PARVA: variants seen among roughly 807,000 people sequenced by gnomAD.
PARVA encodes the protein parvin alpha, also known as alpha-parvin.
PARVA carries 25 observed loss-of-function variants against 52.6 expected under a neutral mutation model. The observed-to-expected ratio is 0.48, with a 90% confidence interval of 0.35 to 0.66. The LOEUF is 0.66. Ranked by LOEUF, PARVA falls within the 30% of genes least tolerant of loss-of-function variation. The pLI is 0.01. For missense variants in PARVA, 373 were observed against 450.9 expected (o/e 0.83, Z 1.56); for synonymous variants, 185 against 179.1 (o/e 1.03, Z -0.26).
At chr11:12,418,680 AC>A (rs1370454279) in intron 1 of PARVA, among the ~76,000 whole-genome samples, 1 of 152,120 alleles carries the variant, frequency 6.6e-6, no homozygotes, top group Admixed American at 6.5e-5. Context: ...CCACCCCGCC[AC>A]CGGCTTTGTG....
intron 7 of PARVA, among the ~76,000 whole-genome samples, 188 bp downstream of exon 7, chr11:12,508,830 T>G (rs1386968651): frequency 6.6e-6 from 1 of 152,126 alleles, no homozygotes; most frequent in African/African-American, 2.4e-5. Flanking sequence ...AGGTACAAAC[T>G]TGGGTGGGGA....
At chr11:12,526,270 C>T (rs1941700008) in intron 12 of PARVA, among the ~76,000 whole-genome samples, 1 of 152,074 alleles carries the variant, frequency 6.6e-6, no homozygotes, top group Non-Finnish European at 1.5e-5. Flanking sequence ...ACCTGGGAGC[C>T]CCTGGCTCCC....
intron 1 of PARVA, among the ~76,000 whole-genome samples, chr11:12,450,053 A>G (rs1940602716): frequency 6.6e-6 from 1 of 152,232 alleles, no homozygotes; most frequent in Non-Finnish European, 1.5e-5. Context: ...AATTGTTGTT[A>G]TCCCATTTTA....
chr11:12,423,080 C>T (rs1404852782), intron 1 of PARVA, among the ~76,000 whole-genome samples: 1 of 152,170 alleles, frequency 6.6e-6, no homozygotes, highest in Admixed American at 6.5e-5. Context: ...TCTCGAACTC[C>T]TGACCTCAGG....
chr11:12,377,819 AGCCGGGGGTGCCGTAGGGGCCGAGGG>A, intron 1 of PARVA, 36 bp downstream of exon 1: 1 of 1,453,316 alleles, frequency 6.9e-7, no homozygotes, highest in Admixed American at 2.8e-5. Flanking sequence ...GGGCGGTAGG[AGCCGGGGGTGCCGTAGGGGCCGAGGG>A]GCCGGGGCAC....
chr11:12,394,425 G>A (rs1939705222), intron 1 of PARVA, among the ~76,000 whole-genome samples: 2 of 152,218 alleles, frequency 1.3e-5, no homozygotes, highest in Non-Finnish European at 2.9e-5. Flanking sequence ...AGGAATCATT[G>A]TTAGCTTACT....
At chr11:12,395,655 A>G (rs538022844) in intron 1 of PARVA, among the ~76,000 whole-genome samples, 135 of 152,272 alleles carry the variant, frequency 8.9e-4, no homozygotes, top group Non-Finnish European at 1.7e-3. Context: ...GTGAAAATCC[A>G]TCAAAGACTC....
At chr11:12,381,070 A>G (rs1939478282) in intron 1 of PARVA, among the ~76,000 whole-genome samples, 1 of 152,212 alleles carries the variant, frequency 6.6e-6, no homozygotes, top group Non-Finnish European at 1.5e-5. Context: ...CTGAAGGGCC[A>G]GCCACCACCC....
At chr11:12,396,436 C>T (rs1939746352) in intron 1 of PARVA, among the ~76,000 whole-genome samples, 1 of 152,098 alleles carries the variant, frequency 6.6e-6, no homozygotes, top group African/African-American at 2.4e-5. Flanking sequence ...GTGTCTGGGC[C>T]CTGGAAGCAA....
intron 7 of PARVA, among the ~76,000 whole-genome samples, chr11:12,511,202 G>A (rs538690825): frequency 2.0e-5 from 3 of 152,238 alleles, no homozygotes; most frequent in South Asian, 4.2e-4. Context: ...TTAACTGCAG[G>A]CAATAATATG....
intron 4 of PARVA, among the ~76,000 whole-genome samples, chr11:12,492,994 A>T (rs1234903866): frequency 6.6e-6 from 1 of 152,156 alleles, no homozygotes; most frequent in Admixed American, 6.6e-5. Flanking sequence ...AAGACTTATG[A>T]TATATATATG....
chr11:12,443,736 G>A (rs1458135277), intron 1 of PARVA, among the ~76,000 whole-genome samples: 2 of 152,166 alleles, frequency 1.3e-5, no homozygotes, highest in African/African-American at 2.4e-5. Flanking sequence ...GATGGAAACA[G>A]GTGTAGCATA....
chr11:12,384,303 T>C (rs916654961), intron 1 of PARVA, among the ~76,000 whole-genome samples: 3 of 152,334 alleles, frequency 2.0e-5, no homozygotes, highest in African/African-American at 7.2e-5. Context: ...GCTTGTCTTT[T>C]CTTATCTCCC....
In PARVA at chr11:12,424,215, A is replaced by G. The variant is rs191049911; in HGVS notation, c.136+46432A>G. ...AATGTTGTGAATAGCACCATTTTTC[A>G]TTGCCTTTTCTAACTTCATAGCAGT... On this transcript the variant is annotated intron_variant, in intron 1 of 12. Transcript: ENST00000334956. Among the ~76,000 whole-genome samples the G allele has an allele frequency of 2.6e-5, 4 of 152,130 alleles. No individual in the cohort carries two copies. In the East Asian group the frequency reaches 7.7e-4, roughly 29 times the overall value.
intron 7 of PARVA, among the ~76,000 whole-genome samples, chr11:12,510,705 C>A (rs1194118272): frequency 6.6e-6 from 1 of 152,116 alleles, no homozygotes; most frequent in Non-Finnish European, 1.5e-5. Context: ...AAGAGGAAAT[C>A]CTGATAAACC....
chr11:12,487,418 C>G (rs886982019), intron 4 of PARVA, among the ~76,000 whole-genome samples: 6 of 152,340 alleles, frequency 3.9e-5, no homozygotes, highest in East Asian at 1.9e-4. Context: ...TTAAAAACCT[C>G]TATGGCTGAG....
intron 12 of PARVA, among the ~76,000 whole-genome samples, chr11:12,518,806 T>G (rs1941603981): frequency 6.6e-6 from 1 of 152,204 alleles, no homozygotes; most frequent in Admixed American, 6.5e-5. Context: ...TTCCAGGTTT[T>G]CCTGTCCCTG....
intron 4 of PARVA, among the ~76,000 whole-genome samples, chr11:12,486,615 G>A (rs373825502): frequency 8.1e-4 from 123 of 152,304 alleles, no homozygotes; most frequent in African/African-American, 2.9e-3. Flanking sequence ...GGAGGCCGAG[G>A]CAGGCAGATC....
In PARVA at chr11:12,532,359, C is replaced by G. The variant is rs1414558658; in HGVS notation, c.*4434C>G. ...TCTAGTTGGAGCGCACCTCAGAGTC[C>G]CCTACATAATGCGTATTAGGACTTT... On this transcript the variant is annotated 3_prime_UTR_variant, in exon 13 of 13. Transcript: ENST00000334956. Among the ~76,000 whole-genome samples, 1 of 152,102 alleles carries G rather than the reference C, an allele frequency of 6.6e-6. No homozygotes were observed. Among genetic ancestry groups the G allele is most frequent in the African/African-American group, 2.4e-5 (1 of 41,422 alleles).
Sources: gnomAD v4.1 joint callset for allele counts (sites outside exome capture counted in the v4.1 genomes callset) on GRCh38, gnomAD v4.1.1 for gene constraint, MANE v1.5 for transcripts, NCBI Gene and HGNC (gene_info 2026-07-23, HGNC 2026-07-21) for gene names.